ABCC4: variants seen among roughly 807,000 people sequenced by gnomAD.
The protein encoded by ABCC4 is ATP binding cassette subfamily C member 4 (PEL blood group).
A neutral mutation model predicts 168.5 loss-of-function variants in ABCC4; 102 were observed. The observed-to-expected ratio is 0.61, with a 90% CI of 0.52 to 0.71. The LOEUF (loss-of-function observed/expected upper bound fraction) is 0.71, where lower values mean the gene tolerates loss of function less well. Among genes scored for constraint, ABCC4 ranks in the 30% least tolerant of loss-of-function variants. ABCC4 has a pLI of 0.00. For synonymous variants in ABCC4, 617 were observed against 590.7 expected (o/e 1.04, Z -0.65); for missense variants, 1,402 against 1,605.8 (o/e 0.87, Z 2.17).
At chr13:95,064,260 G>GTGTATATATATATATATA (rs1269029410) in intron 25 of ABCC4, among the ~76,000 whole-genome samples, 1 of 21,506 alleles carries the variant, frequency 4.6e-5, no homozygotes, top group African/African-American at 2.2e-4. Context: ...GTGTGTGTGT[G>GTGTATATATATATATATA]TATATATATA....
chr13:95,065,111 C>T (rs188946524), intron 25 of ABCC4, among the ~76,000 whole-genome samples: 74 of 152,244 alleles, frequency 4.9e-4, no homozygotes, highest in Non-Finnish European at 9.3e-4. Context: ...CTTCTAACTC[C>T]TCCATTTTAA....
In ABCC4 at chr13:95,247,683, G is replaced by A; in HGVS notation, c.145C>T (p.Pro49Ser). ...LEEDDMYSVL[P>S]EDRSQHLGEE... ...CCAAGGTGCTGTGAGCGGTCTTCTG[G>A]CAGCACTGAATACATATCATCTTCC... is the stretch of plus-strand genomic sequence containing the variant. The change falls in exon 2 of 31, where the codon CCA becomes TCA. Residue 49 changes from proline (P) to serine (S), a missense_variant. Physicochemically the swap from Pro to Ser is moderately conservative, Grantham distance 74. Transcript: ENST00000645237. 1 of 1,613,928 alleles carries A rather than the reference G, an allele frequency of 6.2e-7. No individual in the cohort carries two copies. The highest frequency in any genetic ancestry group is 8.5e-7 in the Non-Finnish European group (1 of 1,179,962).
chr13:95,121,994 C>G (rs952762206), intron 19 of ABCC4, among the ~76,000 whole-genome samples: 4 of 152,166 alleles, frequency 2.6e-5, no homozygotes, highest in African/African-American at 9.7e-5. Context: ...CAAGGTGATG[C>G]AGTGTTTTCT....
intron 15 of ABCC4, 107 bp downstream of exon 15, chr13:95,166,051 T>G (rs1438667074): frequency 2.8e-6 from 3 of 1,087,960 alleles, no homozygotes; most frequent in Admixed American, 2.1e-5. Flanking sequence ...AACCACAGAA[T>G]CCACTTTGGG....
chr13:95,141,250 G>T (rs919057184), intron 19 of ABCC4, among the ~76,000 whole-genome samples: 1 of 152,104 alleles, frequency 6.6e-6, no homozygotes, highest in African/African-American at 2.4e-5. Flanking sequence ...AGGCTGAAGG[G>T]GTCAAGATAT....
chr13:95,061,720 T>C (rs2139285635), intron 26 of ABCC4, among the ~76,000 whole-genome samples: 1 of 149,744 alleles, frequency 6.7e-6, no homozygotes, highest in African/African-American at 2.5e-5. Flanking sequence ...AACCCAGCCA[T>C]GTCTGGAGTT....
intron 30 of ABCC4, among the ~76,000 whole-genome samples, chr13:95,026,374 A>G (rs573625874): frequency 6.6e-6 from 1 of 152,364 alleles, no homozygotes; most frequent in East Asian, 1.9e-4. Context: ...AAAAGTTAAT[A>G]AAGAACTAAA....
chr13:95,083,368 A>G, intron 20 of ABCC4, 78 bp from the exon 21 acceptor site: 2 of 1,509,520 alleles, frequency 1.3e-6, no homozygotes, highest in Non-Finnish European at 1.8e-6. Flanking sequence ...TGTTGTTAGG[A>G]TTACACTCCT....
chr13:95,100,702 A>G (rs1448570220), intron 20 of ABCC4, among the ~76,000 whole-genome samples: 1 of 151,936 alleles, frequency 6.6e-6, no homozygotes, highest in East Asian at 1.9e-4. Flanking sequence ...TGCAGTGACT[A>G]AAACTCTTTT....
rs114679113 is a variant in ABCC4 at position 95,089,487 on chromosome 13, G to A, written c.2536-6197C>T. ...ACAAAATTTAGCTAGGCGTGGTCAC[G>A]GGCACCTGTAATCCCAGCTACTTGG... On this transcript the variant is annotated intron_variant, in intron 20 of 30. Coordinates refer to ENST00000645237, the MANE Select transcript of ABCC4 (RefSeq NM_005845.5). Among the ~76,000 whole-genome samples the A allele has an allele frequency of 5.1e-3, 782 of 152,034 alleles. 8 individuals are homozygous for A. The highest frequency in any genetic ancestry group is 0.018 in the African/African-American group (750 of 41,482).
intron 11 of ABCC4, among the ~76,000 whole-genome samples, chr13:95,184,027 A>G (rs1328026533): frequency 6.6e-6 from 1 of 152,220 alleles, no homozygotes; most frequent in African/African-American, 2.4e-5. Context: ...AACCATGCAC[A>G]GGGGGCCAGC....
intron 8 of ABCC4, among the ~76,000 whole-genome samples, chr13:95,196,684 GGAAGGAAGGAAGGAAGGAAGGAAGGAA>G (rs2038456777): frequency 2.0e-5 from 1 of 50,860 alleles, no homozygotes; most frequent in African/African-American, 7.1e-5. Flanking sequence ...AAGGAAGGAA[GGAAGGAAGGAAGGAAGGAAGGAAGGAA>G]GGAAGGAAGG....
intron 1 of ABCC4, among the ~76,000 whole-genome samples, chr13:95,266,780 A>G (rs2138867118): frequency 6.7e-6 from 1 of 149,160 alleles, no homozygotes; most frequent in African/African-American, 2.5e-5. Flanking sequence ...GTTTCTGTGC[A>G]CTGCATTACC....
chr13:95,021,901 T>A (rs1462272105), intron 30 of ABCC4, among the ~76,000 whole-genome samples: 1 of 152,168 alleles, frequency 6.6e-6, no homozygotes, highest in Non-Finnish European at 1.5e-5. Flanking sequence ...TGTAGATCCA[T>A]TTTAGTTCCG....
At chr13:95,057,265 G>C (rs907927827) in intron 26 of ABCC4, among the ~76,000 whole-genome samples, 16 of 151,594 alleles carry the variant, frequency 1.1e-4, no homozygotes, top group African/African-American at 3.6e-4. Flanking sequence ...TTTTGAGACA[G>C]AGTCTCCCTC....
At chr13:95,039,888 C>T (rs1304857443) in intron 29 of ABCC4, among the ~76,000 whole-genome samples, 1 of 152,210 alleles carries the variant, frequency 6.6e-6, no homozygotes, top group Non-Finnish European at 1.5e-5. Flanking sequence ...GAACAGCTTT[C>T]ACTATGGCAG....
chr13:95,247,013 TCC>T lies in ABCC4; in HGVS notation c.266_267del (p.Trp89Ter). ...AAAATTCCCAAAACTAAATAAGATT[TCC>T]AGTAACACTTTATGATTGCTCTTGT... ...SLTRAIIKCY[W>X]KSYLVLGIFT... On this transcript the variant is annotated frameshift_variant, in exon 3 of 31. Coordinates refer to ENST00000645237, the MANE Select transcript of ABCC4 (RefSeq NM_005845.5). LOFTEE classifies it high-confidence loss of function. 1 of 1,612,116 alleles carries T rather than the reference TCC, an allele frequency of 6.2e-7. No individual in the cohort carries two copies. Among genetic ancestry groups the T allele is most frequent in the Non-Finnish European group, 8.5e-7 (1 of 1,178,590 alleles).
chr13:95,111,190 C>T (rs982303672), intron 20 of ABCC4, among the ~76,000 whole-genome samples: 1 of 152,160 alleles, frequency 6.6e-6, no homozygotes, highest in African/African-American at 2.4e-5. Flanking sequence ...ACAAGATATT[C>T]ACTTTTAACC....
At chr13:95,271,730 C>A (rs976976949) in intron 1 of ABCC4, among the ~76,000 whole-genome samples, 1 of 152,126 alleles carries the variant, frequency 6.6e-6, no homozygotes, top group Non-Finnish European at 1.5e-5. Context: ...AACAAACAGA[C>A]ATTGGTCCTA....
Sources: gnomAD v4.1 joint callset for allele counts (sites outside exome capture counted in the v4.1 genomes callset) on GRCh38, gnomAD v4.1.1 for gene constraint, MANE v1.5 for transcripts, NCBI Gene and HGNC (gene_info 2026-07-23, HGNC 2026-07-21) for gene names.